The following SLC4A5 variants were observed in gnomAD, a reference collection of about 807,000 sequenced individuals.
The protein encoded by SLC4A5 is solute carrier family 4 member 5.
Under a neutral mutation model 120.4 loss-of-function variants are expected in SLC4A5, and 96 were observed. The ratio of observed to expected loss-of-function variants is 0.80; its 90% confidence interval spans 0.68 to 0.94. The LOEUF (loss-of-function observed/expected upper bound fraction) is 0.94, where lower values mean the gene tolerates loss of function less well. Ranked by LOEUF, SLC4A5 falls within the 40% of genes least tolerant of loss-of-function variation. The pLI, the probability that SLC4A5 is intolerant of heterozygous loss-of-function variation, is 0.00. For synonymous variants in SLC4A5, 550 were observed against 571.1 expected (o/e 0.96, Z 0.53); for missense variants, 1,259 against 1,459.5 (o/e 0.86, Z 2.24).
intron 5 of SLC4A5, among the ~76,000 whole-genome samples, chr2:74,316,314 A>C (rs2104301886): frequency 6.8e-6 from 1 of 146,020 alleles, no homozygotes; most frequent in Admixed American, 6.9e-5. Context: ...ATGCTACAAA[A>C]GAGTTGTAAA....
At chr2:74,260,832 C>G (rs1275767453) in intron 11 of SLC4A5, among the ~76,000 whole-genome samples, 2 of 152,214 alleles carry the variant, frequency 1.3e-5, no homozygotes, top group Non-Finnish European at 2.9e-5. Flanking sequence ...CCATTATCTT[C>G]AGAATAAAAC....
chr2:74,294,824 A>G (rs557600923), intron 7 of SLC4A5, among the ~76,000 whole-genome samples: 115 of 152,122 alleles, frequency 7.6e-4, no homozygotes, highest in African/African-American at 2.7e-3. Context: ...GGTGTCTGCC[A>G]CCACGCCCGG....
At chr2:74,338,207 C>A (rs1217129209) in intron 3 of SLC4A5, among the ~76,000 whole-genome samples, 1 of 152,098 alleles carries the variant, frequency 6.6e-6, no homozygotes, top group Admixed American at 6.5e-5. Flanking sequence ...GAAATGGAGG[C>A]AAATGGAGGC....
chr2:74,300,724 C>A (rs749494541), intron 7 of SLC4A5, among the ~76,000 whole-genome samples: 2 of 152,174 alleles, frequency 1.3e-5, no homozygotes, highest in African/African-American at 4.8e-5. Context: ...GTTTGTGGGT[C>A]TGTCATCTCC....
Position 74,303,016 on chromosome 2 carries a change from C to CTGTGTG in SLC4A5, c.271+1467_271+1472dup, listed in dbSNP as rs10601390. 1.6e-3 allele frequency among the ~76,000 whole-genome samples: 238 copies of CTGTGTG among 145,042 alleles called. 1 individual carries two copies. The highest frequency in any genetic ancestry group is 3.5e-3 in the Middle Eastern group (1 of 288). ...CTGATGTTCCCACTCCTGAGCAGGA[C>CTGTGTG]TGTGTGTGTGTGTGTGTGTGTGTGT... On this transcript the variant is annotated intron_variant, in intron 7 of 30. Coordinates refer to ENST00000394019, the Ensembl canonical transcript of SLC4A5.
intron 12 of SLC4A5, 92 bp downstream of exon 12, chr2:74,259,496 G>T: frequency 1.4e-6 from 2 of 1,387,354 alleles, no homozygotes; most frequent in South Asian, 1.2e-5. Flanking sequence ...TGTAGGAGTG[G>T]AACTCTGCCC....
intron 7 of SLC4A5, among the ~76,000 whole-genome samples, chr2:74,291,216 G>A (rs970941410): frequency 1.3e-5 from 2 of 152,194 alleles, no homozygotes; most frequent in Non-Finnish European, 2.9e-5. Context: ...GAGAGCCCAC[G>A]GACAGTGGAA....
chr2:74,336,568 T>C (rs909733069), intron 3 of SLC4A5, among the ~76,000 whole-genome samples: 1 of 152,098 alleles, frequency 6.6e-6, no homozygotes, highest in Non-Finnish European at 1.5e-5. Flanking sequence ...GCTTGGCAAG[T>C]AGAAGCACTG....
chr2:74,324,737 T>C (rs962158472), intron 5 of SLC4A5, among the ~76,000 whole-genome samples: 1 of 152,064 alleles, frequency 6.6e-6, no homozygotes, highest in Non-Finnish European at 1.5e-5. Flanking sequence ...GGAGACTCCA[T>C]GTCTCCCCAA....
At chr2:74,231,213 T>C (rs766306965) in intron 25 of SLC4A5, 23 bp downstream of exon 25, 5 of 1,599,088 alleles carry the variant, frequency 3.1e-6, no homozygotes, top group Non-Finnish European at 4.3e-6. Context: ...AACGAGGCCC[T>C]AGGTGACAGT....
intron 2 of SLC4A5, among the ~76,000 whole-genome samples, chr2:74,340,805 C>G (rs1039830741): frequency 3.9e-5 from 6 of 152,126 alleles, no homozygotes; most frequent in African/African-American, 1.4e-4. Context: ...CAGGGACTCC[C>G]CATCCAGACC....
intron 7 of SLC4A5, chr2:74,290,592 GA>G: frequency 1.2e-5 from 12 of 977,502 alleles, no homozygotes; most frequent in Non-Finnish European, 1.5e-5. Flanking sequence ...AGATCTGAGA[GA>G]GAGAGAGACA....
At chr2:74,285,498 G>A (rs1033742469) in intron 8 of SLC4A5, among the ~76,000 whole-genome samples, 1 of 152,188 alleles carries the variant, frequency 6.6e-6, no homozygotes, top group Non-Finnish European at 1.5e-5. Flanking sequence ...CTATGGATAT[G>A]GAGGGACAAT....
At chr2:74,304,550 C>T (rs1378763309) in exon 7 of SLC4A5, 6 of 1,614,212 alleles carry the variant, frequency 3.7e-6, no homozygotes, top group Non-Finnish European at 4.2e-6. Flanking sequence ...CTGGGCCAGT[C>T]AGTTCCTGCT....
intron 6 of SLC4A5, among the ~76,000 whole-genome samples, chr2:74,308,343 G>T (rs965889968): frequency 2.6e-5 from 4 of 152,212 alleles, no homozygotes; most frequent in Non-Finnish European, 5.9e-5. Flanking sequence ...ATTCCCACCA[G>T]CAATGGAAGA....
chr2:74,239,598 C>T (rs1670373604), intron 20 of SLC4A5, 63 bp from the exon 21 acceptor site: 1 of 1,527,910 alleles, frequency 6.5e-7, no homozygotes, highest in Non-Finnish European at 9.0e-7. Context: ...CTGTGTCCTT[C>T]CCACTGCAGT....
At chr2:74,293,129 G>A (rs766280561) in intron 7 of SLC4A5, among the ~76,000 whole-genome samples, 1 of 152,168 alleles carries the variant, frequency 6.6e-6, no homozygotes, top group Admixed American at 6.5e-5. Context: ...TGGGGACTGG[G>A]AGAGGGAACC....
At chr2:74,258,450 A>C (rs529006236) in intron 12 of SLC4A5, among the ~76,000 whole-genome samples, 1 of 152,378 alleles carries the variant, frequency 6.6e-6, no homozygotes, top group African/African-American at 2.4e-5. Context: ...CAGGTTATAA[A>C]AAACTTTTAC....
At chr2:74,269,723 C>A (rs1671415665) in intron 8 of SLC4A5, among the ~76,000 whole-genome samples, 1 of 152,138 alleles carries the variant, frequency 6.6e-6, no homozygotes, top group South Asian at 2.1e-4. Flanking sequence ...TGATGTGGCC[C>A]AGTGCATGGG....
Sources: gnomAD v4.1 joint callset for allele counts (sites outside exome capture counted in the v4.1 genomes callset) on GRCh38, gnomAD v4.1.1 for gene constraint, MANE v1.5 for transcripts, NCBI Gene and HGNC (gene_info 2026-07-23, HGNC 2026-07-21) for gene names.